The following ULK4 variants were observed in gnomAD, a reference collection of about 807,000 sequenced individuals.
ULK4 encodes the protein unc-51 like kinase 4.
Under a neutral mutation model 160.6 loss-of-function variants are expected in ULK4, and 133 were observed. The ratio of observed to expected loss-of-function variants is 0.83; its 90% CI spans 0.72 to 0.96. ULK4 has a LOEUF of 0.96. ULK4 is among the 40% of genes least tolerant of loss of function. The probability of loss-of-function intolerance (pLI) is 0.00; values close to 1 mark genes in which losing one functional copy is unlikely to be tolerated. For synonymous variants in ULK4, 534 were observed against 539.8 expected, an observed-to-expected ratio of 0.99 and a Z score of 0.15; for missense variants, 1,580 against 1,499.5, an observed-to-expected ratio of 1.05 and a Z score of -0.89.
At chr3:41,498,682 G>C (rs921792513) in intron 32 of ULK4, among the ~76,000 whole-genome samples, 4 of 151,432 alleles carry the variant, frequency 2.6e-5, no homozygotes, top group Admixed American at 2.0e-4. Flanking sequence ...TGCAAGCTCT[G>C]CCTCCTGGGT....
In ULK4 at chr3:41,575,176, A is replaced by C. The variant is rs78783786; in HGVS notation, c.3121-9046T>G. On this transcript the variant is annotated intron_variant, in intron 31 of 36. Transcript: ENST00000301831. Reference sequence around the variant, plus strand: ...GAAGGGAACAAGTTGAATTAAACTGAAAGGGCACAGGCTAATTTAAAATTA... The same window carrying C: ...GAAGGGAACAAGTTGAATTAAACTGCAAGGGCACAGGCTAATTTAAAATTA... Among the ~76,000 whole-genome samples the C allele has an allele frequency of 1.5e-3, 227 of 152,366 alleles. 7 individuals carry two copies. The East Asian group carries it at 0.039, about 26-fold the overall frequency.
chr3:41,884,156 T>C (rs1333082480), intron 16 of ULK4, among the ~76,000 whole-genome samples: 1 of 152,206 alleles, frequency 6.6e-6, no homozygotes, highest in Non-Finnish European at 1.5e-5. Flanking sequence ...CGAACCGTAA[T>C]GTCCGCTGCA....
intron 16 of ULK4, among the ~76,000 whole-genome samples, 191 bp from the exon 17 acceptor site, chr3:41,884,143 A>T (rs1472565377): frequency 1.3e-5 from 2 of 152,248 alleles, no homozygotes; most frequent in African/African-American, 4.8e-5. Flanking sequence ...ACTTAGGGAG[A>T]CACGAACCGT....
chr3:41,961,311 A>G (rs760980294), intron 1 of ULK4, among the ~76,000 whole-genome samples: 2 of 151,994 alleles, frequency 1.3e-5, no homozygotes, highest in Non-Finnish European at 2.9e-5. Context: ...ACAAAAGAAA[A>G]AGTTATCGGC....
chr3:41,567,475 G>T (rs1389346962), intron 31 of ULK4, among the ~76,000 whole-genome samples: 2 of 134,252 alleles, frequency 1.5e-5, no homozygotes, highest in Non-Finnish European at 1.5e-5. Flanking sequence ...TTGAGATGGA[G>T]TCTCGCTCTG....
intron 30 of ULK4, among the ~76,000 whole-genome samples, chr3:41,644,120 C>A (rs1364762700): frequency 7.2e-5 from 11 of 152,176 alleles, no homozygotes; most frequent in Admixed American, 3.3e-4. Context: ...TCTAGATACA[C>A]AATCATGTCG....
intron 35 of ULK4, among the ~76,000 whole-genome samples, chr3:41,362,357 T>C (rs943656392): frequency 3.9e-5 from 6 of 152,314 alleles, no homozygotes; most frequent in Admixed American, 3.9e-4. Flanking sequence ...AAATAGAGAC[T>C]GACATATTGA....
At chr3:41,261,262 C>T (rs2078935739) in intron 35 of ULK4, among the ~76,000 whole-genome samples, 1 of 152,160 alleles carries the variant, frequency 6.6e-6, no homozygotes, top group South Asian at 2.1e-4. Context: ...CTACTATATT[C>T]AGGAATAGAG....
intron 7 of ULK4, among the ~76,000 whole-genome samples, chr3:41,917,751 G>C (rs1180267942): frequency 6.6e-6 from 1 of 152,124 alleles, no homozygotes; most frequent in Non-Finnish European, 1.5e-5. Context: ...GGAGGCTGAG[G>C]TGGGTGGATC....
At chr3:41,640,281 A>C (rs2034128952) in intron 30 of ULK4, among the ~76,000 whole-genome samples, 1 of 152,214 alleles carries the variant, frequency 6.6e-6, no homozygotes, top group Non-Finnish European at 1.5e-5. Context: ...TATACAAGTG[A>C]GTCATTTCTT....
intron 27 of ULK4, 147 bp from the exon 28 acceptor site, chr3:41,681,951 A>T (rs1297270305): frequency 1.3e-6 from 1 of 759,956 alleles, no homozygotes; most frequent in East Asian, 2.7e-5. Context: ...TAAACTCTCC[A>T]TGACATTTAA....
At chr3:41,734,108 C>G (rs1184285887) in intron 22 of ULK4, among the ~76,000 whole-genome samples, 3 of 152,006 alleles carry the variant, frequency 2.0e-5, no homozygotes, top group Non-Finnish European at 4.4e-5. Context: ...AGCTGAACAA[C>G]TAGAAGCAGG....
At chr3:41,322,186 C>T (rs55794710) in intron 35 of ULK4, among the ~76,000 whole-genome samples, 48,036 of 142,068 alleles carry the variant, frequency 0.34, 12,008 homozygotes, top group Middle Eastern at 0.42. Flanking sequence ...TGTGCACCAC[C>T]ACGCCCTGCT....
At chr3:41,491,757 T>A (rs2125907359) in intron 32 of ULK4, among the ~76,000 whole-genome samples, 1 of 149,500 alleles carries the variant, frequency 6.7e-6, no homozygotes, top group Admixed American at 6.7e-5. Flanking sequence ...ATACTTTAAG[T>A]TTTAGGGTAC....
chr3:41,636,944 T>C (rs2033979994), intron 30 of ULK4, among the ~76,000 whole-genome samples: 1 of 152,170 alleles, frequency 6.6e-6, no homozygotes, highest in African/African-American at 2.4e-5. Context: ...AATCTGAACC[T>C]TTATTTATTA....
intron 35 of ULK4, among the ~76,000 whole-genome samples, chr3:41,292,952 A>AAAAAAAT (rs1388285449): frequency 6.6e-6 from 1 of 151,896 alleles, no homozygotes; most frequent in Non-Finnish European, 1.5e-5. Context: ...TCAAAAAAAT[A>AAAAAAAT]AAAAAATAAA....
chr3:41,641,871 CT>C (rs1216590151), intron 30 of ULK4, among the ~76,000 whole-genome samples: 14,862 of 138,264 alleles, frequency 0.11, 1,080 homozygotes, highest in African/African-American at 0.26. Context: ...CAATTAATAC[CT>C]TTTTTTTTTT....
At chr3:41,889,574 T>G (rs1391761892) in intron 16 of ULK4, among the ~76,000 whole-genome samples, 2 of 152,042 alleles carry the variant, frequency 1.3e-5, no homozygotes, top group African/African-American at 4.8e-5. Flanking sequence ...TCAGAAACAA[T>G]AACAATTGGT....
chr3:41,789,890 A>G (rs761063620), intron 20 of ULK4, 47 bp from the exon 21 acceptor site: 1 of 1,443,546 alleles, frequency 6.9e-7, no homozygotes, highest in African/African-American at 1.4e-5. Context: ...CAAGTGCATC[A>G]ATCATTCCCC....
Sources: allele counts gnomAD v4.1 joint callset (sites outside exome capture counted in the v4.1 genomes callset), GRCh38; gene constraint gnomAD v4.1.1; transcripts MANE v1.5; gene names NCBI Gene and HGNC (gene_info 2026-07-23, HGNC 2026-07-21).